The following LMBR1L variants were observed in gnomAD, a reference collection of about 807,000 sequenced individuals.
LMBR1L encodes the protein limb development membrane protein 1 like, also known as protein LMBR1L.
In LMBR1L, 47 loss-of-function variants were observed where a neutral mutation model predicts 67.3. That is an observed-to-expected ratio of 0.70 (90% CI 0.55 to 0.89). LMBR1L has a LOEUF of 0.89. Among genes scored for constraint, LMBR1L ranks in the 40% least tolerant of loss-of-function variants. LMBR1L has a pLI of 0.00. For missense variants in LMBR1L, 533 were observed against 599.2 expected, an observed-to-expected ratio of 0.89 and a Z score of 1.15; for synonymous variants, 247 against 250.3, an observed-to-expected ratio of 0.99 and a Z score of 0.13.
chr12:49,101,972 C>A, intron 11 of LMBR1L, 148 bp downstream of exon 11: 1 of 660,220 alleles, frequency 1.5e-6, no homozygotes, highest in South Asian at 1.9e-5. Flanking sequence ...CATTTGTGCT[C>A]ACCACAGGCA....
At chr12:49,101,356 C>G in intron 12 of LMBR1L, 33 bp from the exon 13 acceptor site, 1 of 1,609,994 alleles carries the variant, frequency 6.2e-7, no homozygotes, top group Non-Finnish European at 8.5e-7. Flanking sequence ...TGTGAGCATT[C>G]CCCACCATCA....
At chr12:49,106,345 CAG>C (rs1289401772) in intron 2 of LMBR1L, 26 of 372,134 alleles carry the variant, frequency 7.0e-5, no homozygotes, top group African/African-American at 4.2e-4. Context: ...GAGATTCACA[CAG>C]AAAGTCCCCA....
In LMBR1L at chr12:49,110,616, G is replaced by C; in HGVS notation, c.-61C>G. 1.3e-6 allele frequency: 2 copies of C among 1,500,750 alleles called. No homozygotes were observed. Among genetic ancestry groups the C allele is most frequent in the Non-Finnish European group, 1.9e-6 (2 of 1,078,744 alleles). 93.0% of individuals were successfully genotyped at this position (1,500,750 alleles called of 1,614,324 possible). A position where few individuals can be genotyped will look rare whatever the true frequency, so the allele number is the denominator to read the frequency against. On this transcript the variant is annotated 5_prime_UTR_variant, in exon 1 of 17. Transcript: ENST00000267102. ...GGGCCCGGGGAGGACGAGCGGGGAG[G>C]AAGCCGCCGCCGCCAAGCACCCAGA...
Position 49,105,785 on chromosome 12 carries a change from C to A in LMBR1L, c.191+139G>T, listed in dbSNP as rs143733095. The stretch of plus-strand genomic sequence containing the variant: ...GAGCATCCCCAGGGTGAGGTAAAGC[C>A]GGAAGCCAGAAATGGGGTGGAAACA... On this transcript the variant is annotated intron_variant, in intron 3 of 16. Transcript: ENST00000267102. 1.8e-5 allele frequency: 12 copies of A among 649,184 alleles called. No individual in the cohort carries two copies. In the African/African-American group the frequency reaches 2.1e-4, roughly 11 times the overall value. 40.2% of individuals were successfully genotyped at this position (649,184 alleles called of 1,614,324 possible).
intron 15 of LMBR1L, 68 bp downstream of exon 15, chr12:49,100,320 G>T: frequency 1.7e-6 from 2 of 1,181,116 alleles, no homozygotes; most frequent in East Asian, 4.7e-5. Flanking sequence ...TGTATATAAA[G>T]TGCCTGCTTT....
intron 2 of LMBR1L, chr12:49,106,224 A>G: frequency 1.9e-6 from 1 of 538,372 alleles, no homozygotes; most frequent in South Asian, 2.3e-5. Context: ...CTCTCCCATC[A>G]CAAGTTCCTC....
Position 49,101,981 on chromosome 12 carries a change from C to T in LMBR1L, c.930+139G>A. The T allele has an allele frequency of 5.8e-6, 4 of 692,184 alleles. No homozygotes were observed. The South Asian group carries it at 7.1e-5, about 12-fold the overall frequency. The allele number at this position is 692,184 out of a possible 1,614,324, so 42.9% of individuals were successfully genotyped here. A position where few individuals can be genotyped will look rare whatever the true frequency, so the allele number is the denominator to read the frequency against. On this transcript the variant is annotated intron_variant, in intron 11 of 16. Transcript: ENST00000267102. ...GCTCAACATTTGTGCTCACCACAGG[C>T]AGGACATAAAAGTAGGCACTCAGTG...
intron 15 of LMBR1L, among the ~76,000 whole-genome samples, chr12:49,099,722 C>A (rs1038005633): frequency 3.9e-5 from 6 of 152,182 alleles, no homozygotes; most frequent in Non-Finnish European, 8.8e-5. Context: ...GCTGGGACTA[C>A]AGGCATGCAC....
rs1374989897 is a variant in LMBR1L at position 49,097,739 on chromosome 12, C to G, written c.1403G>C (p.Gly468Ala). ...GACGGGCAGCGGCAGTCTGTCCAGC[C>G]CTGGAGAAGAGGAGATGGGCAGTCA... is the stretch of plus-strand genomic sequence containing the variant. The part of the protein sequence containing the change: ...AVRAELIRAF[G>A]LDRLPLPVSG... Residue 468 changes from glycine to alanine, a missense_variant and splice_region_variant, in exon 17 of 17, where the codon GGG becomes GCG. Gly to Ala is a moderately conservative substitution (Grantham distance 60). Transcript: ENST00000267102. The G allele has an allele frequency of 6.2e-7, 1 of 1,613,984 alleles. No individual in the cohort carries two copies. The highest frequency in any genetic ancestry group is 1.7e-5 in the Admixed American group (1 of 60,018).
intron 2 of LMBR1L, chr12:49,106,393 G>C: frequency 2.6e-6 from 1 of 384,730 alleles, no homozygotes; most frequent in Non-Finnish European, 5.0e-6. Context: ...TTGTTGAGGG[G>C]GGACTCATCC....
In LMBR1L at chr12:49,103,784, C is replaced by T. The variant is rs1418880147; in HGVS notation, c.465G>A (p.Val155=). The T allele has an allele frequency of 6.2e-7, 1 of 1,613,966 alleles. No homozygotes were observed. Among genetic ancestry groups the T allele is most frequent in the South Asian group, 1.1e-5 (1 of 91,056 alleles). The change falls in exon 6 of 17, where the codon GTG becomes GTA. Residue 155 remains valine (V), a synonymous_variant. Transcript: ENST00000267102. ...KGVLGRVYET[V]VMLMLLTLLV... is the part of the protein sequence containing the mutation. Reference sequence around the variant, plus strand: ...GCAGAGTGAGGAGCATCAACATCACCACTGTCTCATAGACCCGGCCCAGGA... The same window carrying T: ...GCAGAGTGAGGAGCATCAACATCACTACTGTCTCATAGACCCGGCCCAGGA...
chr12:49,102,551 G>A lies in LMBR1L; in HGVS notation c.697-11C>T. The stretch of plus-strand genomic sequence containing the variant: ...CAGGTCTTCCAGCAGCTAGGGGCAG[G>A]GGAAAGGAAGAGACTAACTGTCAGA... On this transcript the variant is annotated splice_polypyrimidine_tract_variant and intron_variant, in intron 8 of 16. Transcript: ENST00000267102. The A allele has an allele frequency of 1.2e-6, 2 of 1,613,656 alleles. No individual in the cohort carries two copies. Among genetic ancestry groups the A allele is most frequent in the South Asian group, 1.1e-5 (1 of 91,056 alleles).
At chr12:49,106,624 C>G (rs141587191) in intron 2 of LMBR1L, 15 of 1,340,552 alleles carry the variant, frequency 1.1e-5, no homozygotes, top group Non-Finnish European at 1.5e-5. Context: ...AGCCTGTGCC[C>G]GTAATGACAT....
At position 49,099,234 on chromosome 12, in the gene LMBR1L, C is replaced by A. The variant is rs181740543; in HGVS notation, c.1241-1129G>T. Among the ~76,000 whole-genome samples the A allele has an allele frequency of 1.2e-3, 174 of 150,700 alleles. 1 individual carries two copies. The highest frequency in any genetic ancestry group is 3.9e-3 in the African/African-American group (159 of 41,066). ...CTCCACCTCCCAAGCTCAAGCAATT[C>A]TCATGCCTCAGCCACCTCCCAAGCT... On this transcript the variant is annotated intron_variant, in intron 15 of 16. Coordinates refer to ENST00000267102, the MANE Select transcript of LMBR1L (RefSeq NM_018113.4).
chr12:49,109,124 G>A (rs1941256654), intron 1 of LMBR1L, among the ~76,000 whole-genome samples: 1 of 152,178 alleles, frequency 6.6e-6, no homozygotes, highest in South Asian at 2.1e-4. Flanking sequence ...GCCTCTAGAT[G>A]AGAGCCAGGT....
chr12:49,107,570 A>G (rs943871892), intron 1 of LMBR1L, among the ~76,000 whole-genome samples: 1 of 152,152 alleles, frequency 6.6e-6, no homozygotes, highest in Non-Finnish European at 1.5e-5. Flanking sequence ...ACCAAGTCAC[A>G]ACTTCTATTC....
Position 49,103,689 on chromosome 12 carries a change from T to G in LMBR1L, c.560A>C (p.Tyr187Ser). Residue 187 changes from tyrosine to serine, a missense_variant and splice_region_variant, in exon 6 of 17, where the codon TAT becomes TCT. Physicochemically the swap from Tyr to Ser is moderately radical, Grantham distance 144 (BLOSUM62 -2). Coordinates refer to ENST00000267102, the MANE Select transcript of LMBR1L (RefSeq NM_018113.4). ...CTGGAGGAAGCTGGGCCGCTCACCA[T>G]AGAGTGACTCTCTGTTGGCCTTGTT... is the stretch of plus-strand genomic sequence containing the variant. The part of the protein sequence containing the change: ...DKNKANRESL[Y>S]DFWEYYLPYL... 1 of 1,613,466 alleles carries G rather than the reference T, an allele frequency of 6.2e-7. No homozygotes were observed. The highest frequency in any genetic ancestry group is 8.5e-7 in the Non-Finnish European group (1 of 1,179,672).
At chr12:49,108,712 C>T (rs902662790) in intron 1 of LMBR1L, among the ~76,000 whole-genome samples, 3 of 151,764 alleles carry the variant, frequency 2.0e-5, no homozygotes, top group East Asian at 1.9e-4. Context: ...CCAGCCTGGG[C>T]GACAGAGTGA....
chr12:49,107,190 T>C, intron 1 of LMBR1L, 145 bp from the exon 2 acceptor site: 1 of 616,194 alleles, frequency 1.6e-6, no homozygotes, highest in Non-Finnish European at 2.9e-6. Context: ...GTATGTTCTG[T>C]TCTGATCCCC....
Sources: gnomAD v4.1 joint callset for allele counts (sites outside exome capture counted in the v4.1 genomes callset) on GRCh38, gnomAD v4.1.1 for gene constraint, MANE v1.5 for transcripts, NCBI Gene and HGNC (gene_info 2026-07-23, HGNC 2026-07-21) for gene names.